Variants in ATAD2B observed in about 807,000 individuals in gnomAD.
ATAD2B encodes ATPase family AAA domain-containing protein 2B.
In ATAD2B, 40 loss-of-function variants were observed where a neutral mutation model predicts 167.6. The observed-to-expected ratio is 0.24, with a 90% CI of 0.19 to 0.31. The LOEUF is 0.31. Among genes scored for constraint, ATAD2B ranks in the 10% least tolerant of loss-of-function variants. The pLI is 1.00. For synonymous variants in ATAD2B, 579 were observed against 596.5 expected (o/e 0.97, Z 0.43); for missense variants, 1,242 against 1,757.2 (o/e 0.71, Z 5.24).
At chr2:23,801,546 G>A (rs1476523105) in intron 18 of ATAD2B, among the ~76,000 whole-genome samples, 4 of 151,440 alleles carry the variant, frequency 2.6e-5, no homozygotes, top group Non-Finnish European at 5.9e-5. Flanking sequence ...TGAACCAACC[G>A]TTTCAAAATA....
chr2:23,727,746 C>T, the ATAD2B span, among the ~76,000 whole-genome samples: 2 of 152,046 alleles, frequency 1.3e-5, no homozygotes, highest in Non-Finnish European at 2.9e-5. Flanking sequence ...AAGAAATGAG[C>T]TATCAAGCCA....
rs752681744 is a variant in ATAD2B at position 23,754,689 on chromosome 2, A to T, written c.4164T>A (p.Ser1388=). The part of the protein sequence containing the change: ...TSLELVPEEP[S]EPVPPLIVDR... ...CAACTATAAGAGGAGGCACAGGCTCAGATGGCTCTTCTGGAACCAGTTCCA... is the reference window on the plus strand; with the variant it reads ...CAACTATAAGAGGAGGCACAGGCTCTGATGGCTCTTCTGGAACCAGTTCCA... The change falls in exon 26 of 28, where the codon TCT becomes TCA. Residue 1388 remains serine (S), a synonymous_variant. Transcript: ENST00000238789. The T allele has an allele frequency of 8.1e-6, 13 of 1,613,140 alleles. No individual in the cohort carries two copies. The highest frequency in any genetic ancestry group is 1.3e-5 in the African/African-American group (1 of 74,890).
chr2:23,757,794 AG>A lies in ATAD2B; in HGVS notation c.3701del (p.Thr1234MetfsTer18). On this transcript the variant is annotated frameshift_variant, in exon 25 of 28. Coordinates refer to ENST00000238789, the MANE Select transcript of ATAD2B (RefSeq NM_017552.4). LOFTEE classifies it high-confidence loss of function. ...GAGATTCATTTGAACTTTCCTCCTC[AG>A]TAGATGCAAAGTTCTCTTTTGTGCC... Reference protein sequence around the residue: ...GAGTKENFASTEEESSNESLL... With the variant: ...GAGTKENFASXEEESSNESLL... 6.4e-7 allele frequency: 1 copy of A among 1,573,296 alleles called. No individual in the cohort carries two copies. Among genetic ancestry groups the A allele is most frequent in the Non-Finnish European group, 8.6e-7 (1 of 1,164,854 alleles).
intron 22 of ATAD2B, among the ~76,000 whole-genome samples, chr2:23,768,081 A>G (rs1346650523): frequency 6.6e-6 from 1 of 152,174 alleles, no homozygotes; most frequent in African/African-American, 2.4e-5. Context: ...AAAAACCACA[A>G]TGATTCTGTA....
At chr2:23,809,085 G>A (rs1685117740) in intron 18 of ATAD2B, 1 of 151,894 alleles carries the variant, frequency 6.6e-6, no homozygotes, top group Admixed American at 6.6e-5. Flanking sequence ...GGTCAATTTT[G>A]TTGATTTATA....
the ATAD2B span, among the ~76,000 whole-genome samples, chr2:23,704,630 G>A: frequency 6.6e-6 from 1 of 152,224 alleles, no homozygotes; most frequent in Non-Finnish European, 1.5e-5. Flanking sequence ...TGCCAGGCGT[G>A]GTGGCATGTG....
Position 23,749,377 on chromosome 2 carries a change from C to T in ATAD2B, c.*2669G>A, listed in dbSNP as rs1431212563. On this transcript the variant is annotated 3_prime_UTR_variant, in exon 28 of 28. Transcript: ENST00000238789. ...TACATAGGAGCTTATCTTTATAATG[C>T]TCACAATAGGAAATAAGAACAGAGG... is the stretch of plus-strand genomic sequence containing the variant. 4 of 152,214 alleles carry T rather than the reference C, an allele frequency of 2.6e-5. No individual in the cohort carries two copies. The highest frequency in any genetic ancestry group is 5.9e-5 in the Non-Finnish European group (4 of 67,988). 9.4% of individuals were successfully genotyped at this position (152,214 alleles called of 1,614,324 possible). A position where few individuals can be genotyped will look rare whatever the true frequency, so the allele number is the denominator to read the frequency against.
At chr2:23,762,083 A>T in intron 24 of ATAD2B, 126 bp downstream of exon 24, 1 of 902,400 alleles carries the variant, frequency 1.1e-6, no homozygotes, top group Non-Finnish European at 1.6e-6. Context: ...GCTCTTCTTC[A>T]CCTCTGAAAA....
rs975789095 is a variant in ATAD2B at position 23,789,482 on chromosome 2, C to T, written c.2641-835G>A. ...TCCCAGTGCCTGGTATTTAGCAATG[C>T]CTAATAAGTATGTACTGAAAGAGTT... On this transcript the variant is annotated intron_variant, in intron 19 of 27. Transcript: ENST00000238789. 3.8e-4 allele frequency among the ~76,000 whole-genome samples: 58 copies of T among 152,156 alleles called. 1 individual carries two copies. Among genetic ancestry groups the T allele is most frequent in the African/African-American group, 1.4e-3 (57 of 41,532 alleles).
chr2:23,880,868 G>T, intron 6 of ATAD2B, 113 bp from the exon 7 acceptor site: 1 of 662,570 alleles, frequency 1.5e-6, no homozygotes, highest in Non-Finnish European at 2.6e-6. Context: ...CTGCACAGGT[G>T]ACATTTAAGT....
chr2:23,773,695 T>TG (rs1348401167), intron 22 of ATAD2B, among the ~76,000 whole-genome samples: 1 of 152,196 alleles, frequency 6.6e-6, no homozygotes, highest in Non-Finnish European at 1.5e-5. Context: ...ATTTTAAGAC[T>TG]GTCCAAATCC....
chr2:23,814,270 T>G (rs1312557054), intron 17 of ATAD2B, among the ~76,000 whole-genome samples: 2 of 152,200 alleles, frequency 1.3e-5, no homozygotes, highest in Non-Finnish European at 2.9e-5. Flanking sequence ...AAATGTTTAT[T>G]TAATTATATA....
At chr2:23,867,737 A>C (rs1695351252) in intron 10 of ATAD2B, 98 bp downstream of exon 10, 1 of 811,692 alleles carries the variant, frequency 1.2e-6, no homozygotes, top group Non-Finnish European at 2.0e-6. Context: ...TAACACTGTC[A>C]TATCCGAATT....
chr2:23,823,026 C>G (rs977004147), intron 16 of ATAD2B, among the ~76,000 whole-genome samples: 10 of 150,784 alleles, frequency 6.6e-5, no homozygotes, highest in Admixed American at 2.6e-4. Flanking sequence ...ATAGTAATAG[C>G]CCTACATTAA....
intron 8 of ATAD2B, chr2:23,872,588 C>A (rs775522363): frequency 4.4e-4 from 555 of 1,271,394 alleles, no homozygotes; most frequent in Non-Finnish European, 5.7e-4. Context: ...GTCTGCATGC[C>A]TGCGATCCTT....
At chr2:23,712,796 G>A in the ATAD2B span, among the ~76,000 whole-genome samples, 3 of 152,308 alleles carry the variant, frequency 2.0e-5, no homozygotes, top group African/African-American at 7.2e-5. Context: ...AAGACTCCAA[G>A]AATGTGTGTT....
chr2:23,859,820 G>C (rs1377952948), intron 12 of ATAD2B, among the ~76,000 whole-genome samples: 1 of 151,666 alleles, frequency 6.6e-6, no homozygotes, highest in Non-Finnish European at 1.5e-5. Context: ...TGGCGGGGGG[G>C]GCACCTGTAA....
chr2:23,893,667 C>CT (rs745557044), intron 2 of ATAD2B, among the ~76,000 whole-genome samples: 2,079 of 119,426 alleles, frequency 0.017, 18 homozygotes, highest in African/African-American at 0.029. Context: ...AAAAAAAAAA[C>CT]TTTTTTTTTT....
At chr2:23,866,537 A>G (rs1695163833) in intron 10 of ATAD2B, among the ~76,000 whole-genome samples, 1 of 152,212 alleles carries the variant, frequency 6.6e-6, no homozygotes, top group Non-Finnish European at 1.5e-5. Flanking sequence ...AATTTTTTAA[A>G]GACAAAAAAG....
Sources: allele counts gnomAD v4.1 joint callset (sites outside exome capture counted in the v4.1 genomes callset), GRCh38; gene constraint gnomAD v4.1.1; transcripts MANE v1.5; gene names NCBI Gene and HGNC (gene_info 2026-07-23, HGNC 2026-07-21).